Variants in ZNF652 observed in about 807,000 individuals in gnomAD.
The protein encoded by ZNF652 is zinc finger protein 652.
A neutral mutation model predicts 45.2 loss-of-function variants in ZNF652; 16 were observed. The ratio of observed to expected loss-of-function variants is 0.35; its 90% CI spans 0.24 to 0.54. ZNF652 has a LOEUF of 0.54. ZNF652 is among the 20% of genes least tolerant of loss of function. The pLI is 0.91. For synonymous variants in ZNF652, 250 were observed against 260.6 expected, an observed-to-expected ratio of 0.96 and a Z score of 0.39; for missense variants, 614 against 765.6, an observed-to-expected ratio of 0.80 and a Z score of 2.34.
chr17:49,340,087 A>G (rs2070128693), intron 1 of ZNF652, among the ~76,000 whole-genome samples: 1 of 152,222 alleles, frequency 6.6e-6, no homozygotes, highest in Non-Finnish European at 1.5e-5. Context: ...CTGAAGGGAA[A>G]GATCACCTCT....
Position 49,292,649 on chromosome 17 carries a change from T to C in ZNF652, c.*5764A>G, listed in dbSNP as rs1054407393. On this transcript the variant is annotated 3_prime_UTR_variant, in exon 6 of 6. Coordinates refer to ENST00000430262, the MANE Select transcript of ZNF652 (RefSeq NM_001145365.3). ...GGGGAGGCATTCAGGAAGACTTCAGTTGAGAAAAAGGTGTTCAAAAGACAT... is the reference window on the plus strand; with the variant it reads ...GGGGAGGCATTCAGGAAGACTTCAGCTGAGAAAAAGGTGTTCAAAAGACAT... Among the ~76,000 whole-genome samples the C allele has an allele frequency of 3.2e-4, 48 of 152,036 alleles. No homozygotes were observed. Among genetic ancestry groups the C allele is most frequent in the Non-Finnish European group, 5.9e-5 (4 of 68,016 alleles).
rs552976469 is a variant in ZNF652, at chr17:49,330,077, CTT to C, written c.-258-12096_-258-12095del. ...GTCATCTACAGATAGGAGAATATAA[CTT>C]GAAGCAATTTTTAAAAAGAAGGTAA... On this transcript the variant is annotated intron_variant, in intron 1 of 5. Coordinates refer to ENST00000430262, the MANE Select transcript of ZNF652 (RefSeq NM_001145365.3). Among the ~76,000 whole-genome samples, 68 of 152,248 alleles carry C rather than the reference CTT, an allele frequency of 4.5e-4. 1 individual carries two copies. The highest frequency in any genetic ancestry group is 1.4e-3 in the Admixed American group (22 of 15,284).
chr17:49,350,425 G>A (rs1450901933), intron 1 of ZNF652, among the ~76,000 whole-genome samples: 1 of 151,750 alleles, frequency 6.6e-6, no homozygotes, highest in Non-Finnish European at 1.5e-5. Flanking sequence ...TGTAATCCCA[G>A]CTACTCGGGA....
chr17:49,320,359 T>C (rs138078685), intron 1 of ZNF652, among the ~76,000 whole-genome samples: 1,723 of 152,318 alleles, frequency 0.011, 31 homozygotes, highest in African/African-American at 0.039. Context: ...GACATTTGAA[T>C]AGATATATTC....
intron 1 of ZNF652, among the ~76,000 whole-genome samples, chr17:49,331,077 A>G (rs1334209795): frequency 2.0e-5 from 3 of 151,138 alleles, no homozygotes; most frequent in Non-Finnish European, 4.4e-5. Context: ...CTCAAAAAAA[A>G]AAAAGAAAAA....
intron 1 of ZNF652, among the ~76,000 whole-genome samples, chr17:49,331,083 AAAAAAG>A (rs1311641629): frequency 6.7e-6 from 1 of 149,758 alleles, no homozygotes; most frequent in Non-Finnish European, 1.5e-5. Flanking sequence ...AAAAAAAAAG[AAAAAAG>A]AGAAAGAAAA....
intron 1 of ZNF652, among the ~76,000 whole-genome samples, chr17:49,325,356 A>G (rs2069945628): frequency 6.6e-6 from 1 of 152,210 alleles, no homozygotes; most frequent in South Asian, 2.1e-4. Flanking sequence ...GAACGCATAT[A>G]ACATTTATCA....
Position 49,294,262 on chromosome 17 carries a change from T to C in ZNF652, c.*4151A>G, listed in dbSNP as rs2069442509. On this transcript the variant is annotated 3_prime_UTR_variant, in exon 6 of 6. Coordinates refer to ENST00000430262, the MANE Select transcript of ZNF652 (RefSeq NM_001145365.3). ...GACAATCAAATTATAGGGACAGTTCTAACCACTAGAAAAGGATACTTCGAA... is the reference window on the plus strand; with the variant it reads ...GACAATCAAATTATAGGGACAGTTCCAACCACTAGAAAAGGATACTTCGAA... Among the ~76,000 whole-genome samples the C allele has an allele frequency of 1.3e-5, 2 of 152,208 alleles. No individual in the cohort carries two copies. The highest frequency in any genetic ancestry group is 2.9e-5 in the Non-Finnish European group (2 of 68,032).
intron 1 of ZNF652, among the ~76,000 whole-genome samples, chr17:49,351,014 T>TATATATATACATAC (rs2070273379): frequency 3.4e-5 from 1 of 29,726 alleles, no homozygotes; most frequent in Non-Finnish European, 7.5e-5. Context: ...TATATATATA[T>TATATATATACATAC]ACACACACAC....
At chr17:49,312,937 T>C (rs1354594551) in intron 2 of ZNF652, 92 bp from the exon 3 acceptor site, 11 of 1,316,226 alleles carry the variant, frequency 8.4e-6, no homozygotes, top group Middle Eastern at 1.9e-4. Flanking sequence ...TTTAGGTTCA[T>C]GGCACAAGGC....
intron 1 of ZNF652, among the ~76,000 whole-genome samples, chr17:49,348,549 C>T (rs937464248): frequency 1.7e-4 from 22 of 128,906 alleles, no homozygotes; most frequent in Middle Eastern, 7.5e-3. Context: ...GAAAAACCCC[C>T]GCAAGGAGAG....
chr17:49,345,319 C>T (rs1484050939), intron 1 of ZNF652, among the ~76,000 whole-genome samples: 2 of 151,254 alleles, frequency 1.3e-5, no homozygotes, highest in Non-Finnish European at 2.9e-5. Context: ...TCCCCTGCCT[C>T]AGCCTCCCAA....
chr17:49,311,475 A>C lies in ZNF652; in HGVS notation c.1165-19T>G, dbSNP rs766381283. 1 of 1,607,818 alleles carries C rather than the reference A, an allele frequency of 6.2e-7. No individual in the cohort carries two copies. Among genetic ancestry groups the C allele is most frequent in the South Asian group, 1.1e-5 (1 of 90,696 alleles). On this transcript the variant is annotated intron_variant, in intron 4 of 5. Coordinates refer to ENST00000430262, the MANE Select transcript of ZNF652 (RefSeq NM_001145365.3). ...CACAGTTCTGCATTGGATACAGTGG[A>C]GATTTTTGAATGCCAAGCATAGTAG...
intron 5 of ZNF652, among the ~76,000 whole-genome samples, chr17:49,303,107 G>T (rs1282454267): frequency 4.6e-5 from 7 of 152,060 alleles, no homozygotes; most frequent in Non-Finnish European, 1.0e-4. Context: ...AGGGCAGATT[G>T]CTTGAGCCAG....
chr17:49,308,471 C>T (rs997899066), intron 5 of ZNF652, among the ~76,000 whole-genome samples: 1 of 152,102 alleles, frequency 6.6e-6, no homozygotes, highest in Non-Finnish European at 1.5e-5. Flanking sequence ...GCCACCATGT[C>T]CAGGTGCATA....
chr17:49,356,010 C>T (rs1312861998), intron 1 of ZNF652, among the ~76,000 whole-genome samples: 1 of 152,086 alleles, frequency 6.6e-6, no homozygotes, highest in East Asian at 1.9e-4. Context: ...ACAGGTTTTG[C>T]TCTTAGGTTG....
In ZNF652 at chr17:49,293,150, CAGAA is replaced by C. The variant is rs2069425458; in HGVS notation, c.*5259_*5262del. On this transcript the variant is annotated 3_prime_UTR_variant, in exon 6 of 6. Coordinates refer to ENST00000430262, the MANE Select transcript of ZNF652 (RefSeq NM_001145365.3). The stretch of plus-strand genomic sequence containing the variant: ...TTGAGTAATACATAGAGTAACAAAG[CAGAA>C]AGAAAGCCACCTTGTAAGTAGTTTC... 6.6e-6 allele frequency among the ~76,000 whole-genome samples: 1 copy of C among 152,126 alleles called. No homozygotes were observed. Among genetic ancestry groups the C allele is most frequent in the Admixed American group, 6.5e-5 (1 of 15,268 alleles).
intron 5 of ZNF652, among the ~76,000 whole-genome samples, chr17:49,307,435 G>GAAAAA (rs1175854049): frequency 1.7e-4 from 7 of 40,474 alleles, no homozygotes; most frequent in Admixed American, 3.8e-4. Context: ...TGTCTCAAAA[G>GAAAAA]AAAAAAAAAA....
At chr17:49,322,816 C>T (rs565890185) in intron 1 of ZNF652, among the ~76,000 whole-genome samples, 1 of 152,152 alleles carries the variant, frequency 6.6e-6, no homozygotes, top group Non-Finnish European at 1.5e-5. Flanking sequence ...ACCTGGGAGG[C>T]GGAGTTGGCA....
Sources: gnomAD v4.1 joint callset for allele counts (sites outside exome capture counted in the v4.1 genomes callset) on GRCh38, gnomAD v4.1.1 for gene constraint, MANE v1.5 for transcripts, NCBI Gene and HGNC (gene_info 2026-07-23, HGNC 2026-07-21) for gene names.